The following SPEN variants were observed in gnomAD, a reference collection of about 807,000 sequenced individuals.
SPEN encodes the protein msx2-interacting protein.
Under a neutral mutation model 269.9 loss-of-function variants are expected in SPEN, and 18 were observed. That is an observed-to-expected ratio of 0.07 (90% CI 0.05 to 0.10). The LOEUF is 0.10. SPEN is among the 10% of genes least tolerant of loss of function. The pLI is 1.00. For missense variants in SPEN, 3,822 were observed against 4,631.2 expected, an observed-to-expected ratio of 0.83 and a Z score of 5.07; for synonymous variants, 1,726 against 1,765.7, an observed-to-expected ratio of 0.98 and a Z score of 0.56.
intron 1 of SPEN, among the ~76,000 whole-genome samples, chr1:15,868,421 C>G (rs2070538893): frequency 6.6e-6 from 1 of 150,542 alleles, no homozygotes; most frequent in Non-Finnish European, 1.5e-5. Flanking sequence ...TTTGATATGT[C>G]TTTAGATAGA....
chr1:15,921,360 A>T (rs2071118450), intron 9 of SPEN, among the ~76,000 whole-genome samples: 1 of 152,322 alleles, frequency 6.6e-6, no homozygotes, highest in South Asian at 2.1e-4. Flanking sequence ...GTTAATAACT[A>T]GCATTTTGTA....
At chr1:15,915,925 A>C (rs965657106) in intron 5 of SPEN, among the ~76,000 whole-genome samples, 3 of 152,042 alleles carry the variant, frequency 2.0e-5, no homozygotes, top group Non-Finnish European at 2.9e-5. Flanking sequence ...TGAAACGTTT[A>C]TTTAGCCTTT....
intron 3 of SPEN, among the ~76,000 whole-genome samples, chr1:15,889,928 T>C (rs556200039): frequency 6.6e-6 from 1 of 151,768 alleles, no homozygotes; most frequent in African/African-American, 2.4e-5. Flanking sequence ...CTGGCCAGGC[T>C]GGTCTCGAAC....
chr1:15,875,647 ACTAT>A (rs1423801399), intron 2 of SPEN, among the ~76,000 whole-genome samples: 2 of 152,106 alleles, frequency 1.3e-5, no homozygotes, highest in Non-Finnish European at 2.9e-5. Context: ...ATTTTTTATA[ACTAT>A]CCAAGCAGTC....
chr1:15,862,180 G>T (rs2070455463), intron 1 of SPEN, among the ~76,000 whole-genome samples: 1 of 152,142 alleles, frequency 6.6e-6, no homozygotes, highest in Non-Finnish European at 1.5e-5. Flanking sequence ...GTGTTTTGTA[G>T]CCTTCGTGTT....
intron 10 of SPEN, among the ~76,000 whole-genome samples, chr1:15,926,675 G>T (rs956401413): frequency 2.0e-5 from 3 of 151,212 alleles, no homozygotes; most frequent in African/African-American, 7.3e-5. Flanking sequence ...TGCCTTTATG[G>T]GGCTTAAGTT....
intron 3 of SPEN, among the ~76,000 whole-genome samples, chr1:15,900,963 C>T (rs978568696): frequency 6.6e-6 from 1 of 151,918 alleles, no homozygotes; most frequent in Non-Finnish European, 1.5e-5. Context: ...GTCTGCTAAC[C>T]GCTAGGGAAA....
At position 15,919,475 on chromosome 1, in the gene SPEN, G is replaced by A; in HGVS notation, c.1593G>A (p.Gln531=). Residue 531 remains glutamine, a synonymous_variant, in exon 8 of 15, where the codon CAG becomes CAA. Transcript: ENST00000375759. ...LDGLSSNVSD[Q]YLTRHFCRYG... The stretch of plus-strand genomic sequence containing the variant: ...GGCTTTCTTCGAATGTGTCAGATCA[G>A]TATTTAACACGACATTTCTGCCGAT... The A allele has an allele frequency of 1.9e-6, 3 of 1,607,116 alleles. No individual in the cohort carries two copies. Among genetic ancestry groups the A allele is most frequent in the Non-Finnish European group, 2.5e-6 (3 of 1,178,832 alleles).
In SPEN at chr1:15,938,880, G is replaced by A. The variant is rs960502579; in HGVS notation, c.10863+4G>A. 21 of 1,612,710 alleles carry A rather than the reference G, an allele frequency of 1.3e-5. No individual in the cohort carries two copies. The highest frequency in any genetic ancestry group is 5.3e-5 in the African/African-American group (4 of 74,910). On this transcript the variant is annotated splice_donor_region_variant and intron_variant, in intron 14 of 14. Coordinates refer to ENST00000375759, the MANE Select transcript of SPEN (RefSeq NM_015001.3). ...TCCCAACCCTGGCTCCAATCAGGTC[G>A]GTTGTCCTGTGTCCTTCCTTCACAT...
Position 15,932,621 on chromosome 1 carries a change from C to A in SPEN, c.6381C>A (p.Pro2127=), listed in dbSNP as rs1326029599. The A allele has an allele frequency of 3.7e-6, 6 of 1,610,044 alleles. No individual in the cohort carries two copies. Among genetic ancestry groups the A allele is most frequent in the Non-Finnish European group, 4.2e-6 (5 of 1,177,500 alleles). ...TCTCCCCTGAGAAAAGTGAGAGTCC[C>A]CAAAAGGAGGATGGTTTATCATCCC... ...VAVSPEKSES[P]QKEDGLSSQL... The change falls in exon 11 of 15, where the codon CCC becomes CCA. Residue 2127 remains proline (P), a synonymous_variant. Coordinates refer to ENST00000375759, the MANE Select transcript of SPEN (RefSeq NM_015001.3). This position sits in a 1 kb window ranked among gnomAD's most constrained non-coding sequence, Gnocchi z 4.2.
Position 15,937,239 on chromosome 1 carries a change from C to G in SPEN, c.10103C>G (p.Pro3368Arg). The G allele has an allele frequency of 6.2e-7, 1 of 1,613,872 alleles. No individual in the cohort carries two copies. Among genetic ancestry groups the G allele is most frequent in the Non-Finnish European group, 8.5e-7 (1 of 1,180,008 alleles). Residue 3368 changes from proline (P) to arginine (R), a missense_variant, in exon 12 of 15, where the codon CCC becomes CGC. This residue lies in a region of SPEN where 359 missense variants were observed against 377.3 expected (regional missense o/e 0.95). Transcript: ENST00000375759. The surrounding 1 kb of genome is among the most constrained non-coding windows in gnomAD (Gnocchi z 5.7). ...ACACAGCCTGCCCAGCCTGCACCAC[C>G]CTGCCCGCCCTCCCAGCTCGGTCAG... ...QSTQPAQPAP[P>R]CPPSQLGQPG...
chr1:15,857,514 G>T (rs370557264), intron 1 of SPEN, among the ~76,000 whole-genome samples: 21 of 151,540 alleles, frequency 1.4e-4, no homozygotes, highest in African/African-American at 4.8e-4. Context: ...GTGCTACCAC[G>T]CCCAGCTAGT....
In SPEN at chr1:15,873,095, A is replaced by T. The variant is rs775060544; in HGVS notation, c.363A>T (p.Ser121=). The change falls in exon 2 of 15, where the codon TCA becomes TCT. Residue 121 remains serine, a synonymous_variant. Transcript: ENST00000375759. The part of the protein sequence containing the change: ...GGGPAYGPPP[S]LHAREGRYER... ...GGCCTGCTTATGGTCCCCCACCGTCACTTCATGCACGAGAAGGACGTTATG... is the reference window on the plus strand; with the variant it reads ...GGCCTGCTTATGGTCCCCCACCGTCTCTTCATGCACGAGAAGGACGTTATG... 6.2e-7 allele frequency: 1 copy of T among 1,613,978 alleles called. No individual in the cohort carries two copies. The highest frequency in any genetic ancestry group is 2.2e-5 in the East Asian group (1 of 44,880).
rs1489493117 is a variant in SPEN at position 15,935,286 on chromosome 1, T to A, written c.9046T>A (p.Leu3016Met). 2 of 1,613,974 alleles carry A rather than the reference T, an allele frequency of 1.2e-6. No homozygotes were observed. The highest frequency in any genetic ancestry group is 1.7e-6 in the Non-Finnish European group (2 of 1,179,958). Residue 3016 changes from leucine to methionine, a missense_variant, in exon 11 of 15, where the codon TTG becomes ATG. Coordinates refer to ENST00000375759, the MANE Select transcript of SPEN (RefSeq NM_015001.3). The surrounding 1 kb of genome is among the most constrained non-coding windows in gnomAD (Gnocchi z 7.7). ...CCCAGCAGATCGAACTGTCTCCCAT[T>A]TGGCAGCTGCAAAGCTAGATGCTCA... ...SIPADRTVSH[L>M]AAAKLDAHSP...
chr1:15,936,129 C>T lies in SPEN; in HGVS notation c.9889C>T (p.His3297Tyr), dbSNP rs1444891378. Reference sequence around the variant, plus strand: ...GGTGACCCATGGGGTGCAGATTGTGCACTCCAGCGGGGAGCTGTTTCAAGA... The same window carrying T: ...GGTGACCCATGGGGTGCAGATTGTGTACTCCAGCGGGGAGCTGTTTCAAGA... ...VVVTHGVQIV[H>Y]SSGELFQEYR... is the part of the protein sequence containing the mutation. The change falls in exon 11 of 15, where the codon CAC (histidine) becomes TAC (tyrosine). Residue 3297 changes from histidine to tyrosine, a missense_variant. This residue lies in a region of SPEN where 359 missense variants were observed against 377.3 expected (regional missense o/e 0.95). Transcript: ENST00000375759. 1 of 1,611,588 alleles carries T rather than the reference C, an allele frequency of 6.2e-7. No individual in the cohort carries two copies. The highest frequency in any genetic ancestry group is 2.2e-5 in the East Asian group (1 of 44,766).
chr1:15,919,813 A>C (rs1203691448), intron 8 of SPEN, among the ~76,000 whole-genome samples: 1 of 152,174 alleles, frequency 6.6e-6, no homozygotes, highest in East Asian at 1.9e-4. Flanking sequence ...TCTTACATTA[A>C]AATTAGATAG....
intron 1 of SPEN, among the ~76,000 whole-genome samples, chr1:15,861,869 G>A (rs1353020723): frequency 1.3e-5 from 2 of 152,120 alleles, no homozygotes; most frequent in South Asian, 2.1e-4. Flanking sequence ...GTGAAACCCC[G>A]TCTCTACTAA....
intron 10 of SPEN, among the ~76,000 whole-genome samples, chr1:15,927,617 T>C (rs769739652): frequency 2.0e-5 from 3 of 152,052 alleles, no homozygotes; most frequent in Non-Finnish European, 4.4e-5. Context: ...TAGGTAGGAG[T>C]GTGGGGATAT....
Position 15,930,600 on chromosome 1 carries a change from C to T in SPEN, c.4360C>T (p.Leu1454Phe). 1 of 1,614,152 alleles carries T rather than the reference C, an allele frequency of 6.2e-7. No individual in the cohort carries two copies. Among genetic ancestry groups the T allele is most frequent in the Non-Finnish European group, 8.5e-7 (1 of 1,180,006 alleles). The change falls in exon 11 of 15, where the codon CTC becomes TTC. Residue 1454 changes from leucine to phenylalanine, a missense_variant. Transcript: ENST00000375759. This position sits in a 1 kb window ranked among gnomAD's most constrained non-coding sequence, Gnocchi z 5.3. ...AGCTTTGCTTGAAAGAGCTAAATCC[C>T]TCTCTTCATCTCGTGAAGAAAATTG... ...TKALLERAKSLSSSREENWSF... is the reference protein window; with the variant it reads ...TKALLERAKSFSSSREENWSF...
Sources: allele counts gnomAD v4.1 joint callset (sites outside exome capture counted in the v4.1 genomes callset), GRCh38; gene constraint gnomAD v4.1.1; regional missense constraint gnomAD v4.1.1; non-coding constraint Gnocchi (gnomAD v3.1); transcripts MANE v1.5; gene names NCBI Gene and HGNC (gene_info 2026-07-23, HGNC 2026-07-21).